Variants in CDS2 observed in about 807,000 individuals in gnomAD.
CDS2 encodes the protein phosphatidate cytidylyltransferase 2.
In CDS2, 47 loss-of-function variants were observed where a neutral mutation model predicts 59.0. The ratio of observed to expected loss-of-function variants is 0.80; its 90% CI spans 0.63 to 1.02. CDS2 has a LOEUF of 1.02. Ranked by LOEUF, CDS2 falls within the 50% of genes least tolerant of loss-of-function variation. The pLI, the probability that CDS2 is intolerant of heterozygous loss-of-function variation, is 0.00. For synonymous variants in CDS2, 207 were observed against 206.4 expected (o/e 1.00, Z -0.02); for missense variants, 356 against 558.9 (o/e 0.64, Z 3.66).
intron 1 of CDS2, among the ~76,000 whole-genome samples, chr20:5,144,004 A>ATTC (rs2090718850): frequency 6.6e-6 from 1 of 151,864 alleles, no homozygotes; most frequent in Non-Finnish European, 1.5e-5. Flanking sequence ...GCCTCAAGTG[A>ATTC]TCCGCCCACC....
At chr20:5,167,484 T>C (rs1286872114) in intron 1 of CDS2, among the ~76,000 whole-genome samples, 1 of 152,182 alleles carries the variant, frequency 6.6e-6, no homozygotes, top group East Asian at 1.9e-4. Context: ...ATTTCTTTGT[T>C]ATTCCCAACA....
intron 1 of CDS2, among the ~76,000 whole-genome samples, chr20:5,162,560 T>C (rs1226296855): frequency 6.6e-6 from 1 of 152,222 alleles, no homozygotes; most frequent in Non-Finnish European, 1.5e-5. Context: ...GTAAGAACTT[T>C]CTCGTGGAGA....
chr20:5,177,725 G>A (rs1466903731), intron 4 of CDS2, among the ~76,000 whole-genome samples: 8 of 152,202 alleles, frequency 5.3e-5, no homozygotes, highest in Admixed American at 2.0e-4. Flanking sequence ...GGAAGCCGAT[G>A]TGCTCAGATG....
At chr20:5,129,202 G>A (rs568248189) in intron 1 of CDS2, among the ~76,000 whole-genome samples, 7 of 152,208 alleles carry the variant, frequency 4.6e-5, no homozygotes, top group African/African-American at 7.2e-5. Context: ...GTTCATTACC[G>A]AGAACAAGAC....
chr20:5,155,348 C>T (rs181517229), intron 1 of CDS2, among the ~76,000 whole-genome samples: 16 of 152,336 alleles, frequency 1.1e-4, no homozygotes, highest in Admixed American at 7.8e-4. Context: ...TAAAAAATTA[C>T]TCCTTGAGCT....
intron 9 of CDS2, 33 bp downstream of exon 9, chr20:5,185,859 G>A: frequency 6.2e-7 from 1 of 1,602,654 alleles, no homozygotes; most frequent in Non-Finnish European, 8.6e-7. Context: ...GTAAGGGATT[G>A]GGTGGACAGA....
chr20:5,149,422 A>G (rs16990677), intron 1 of CDS2, among the ~76,000 whole-genome samples: 1,929 of 152,090 alleles, frequency 0.013, 49 homozygotes, highest in African/African-American at 0.042. Flanking sequence ...ATTTTTCTCA[A>G]TTTGTCATTT....
At chr20:5,182,356 A>G (rs775361091) in intron 5 of CDS2, 31 bp from the exon 6 acceptor site, 2 of 1,591,052 alleles carry the variant, frequency 1.3e-6, no homozygotes, top group Non-Finnish European at 1.7e-6. Context: ...AACATAATTC[A>G]TTTTTCTTTT....
chr20:5,170,425 C>T (rs938774099), intron 1 of CDS2, among the ~76,000 whole-genome samples: 3 of 151,934 alleles, frequency 2.0e-5, no homozygotes, highest in Non-Finnish European at 4.4e-5. Flanking sequence ...CCTTTGTCCA[C>T]GGGGTGGGGA....
At position 5,191,621 on chromosome 20, in the gene CDS2, T is replaced by G. The variant is rs1339950588; in HGVS notation, c.*1387T>G. Reference sequence around the variant, plus strand: ...TGGTCTAGTGCTGGTTTGTGGTGTTTTTGTTTGTAAATTAGCCTCACTGCC... The same window carrying G: ...TGGTCTAGTGCTGGTTTGTGGTGTTGTTGTTTGTAAATTAGCCTCACTGCC... On this transcript the variant is annotated 3_prime_UTR_variant, in exon 13 of 13. Coordinates refer to ENST00000460006, the MANE Select transcript of CDS2 (RefSeq NM_003818.4). The G allele has an allele frequency of 6.6e-6, 1 of 152,204 alleles. No individual in the cohort carries two copies. Among genetic ancestry groups the G allele is most frequent in the African/African-American group, 2.4e-5 (1 of 41,412 alleles). 9.4% of individuals were successfully genotyped at this position (152,204 alleles called of 1,614,324 possible).
At chr20:5,172,429 T>G (rs1301907350) in intron 1 of CDS2, among the ~76,000 whole-genome samples, 2 of 152,040 alleles carry the variant, frequency 1.3e-5, no homozygotes, top group African/African-American at 4.8e-5. Flanking sequence ...GGCAGAAAAC[T>G]CCGTAGAAAA....
At chr20:5,185,230 G>A (rs2091058933) in intron 8 of CDS2, among the ~76,000 whole-genome samples, 1 of 152,142 alleles carries the variant, frequency 6.6e-6, no homozygotes, top group African/African-American at 2.4e-5. Flanking sequence ...AAAGCAGCCT[G>A]GGGAACTTAG....
Position 5,194,832 on chromosome 20 carries a change from G to A in CDS2, c.*4598G>A, listed in dbSNP as rs913371701. On this transcript the variant is annotated 3_prime_UTR_variant, in exon 13 of 13. Transcript: ENST00000460006. Reference sequence around the variant, plus strand: ...TCTCTTTTTATTCTTGAGCCAATGAGATATCAGTGTGTTTATTAATAAGGA... The same window carrying A: ...TCTCTTTTTATTCTTGAGCCAATGAAATATCAGTGTGTTTATTAATAAGGA... 6.6e-6 allele frequency: 1 copy of A among 151,880 alleles called. No homozygotes were observed. Among genetic ancestry groups the A allele is most frequent in the Admixed American group, 6.6e-5 (1 of 15,254 alleles). 9.4% of individuals were successfully genotyped at this position (151,880 alleles called of 1,614,324 possible).
intron 1 of CDS2, among the ~76,000 whole-genome samples, chr20:5,144,595 A>G (rs911416030): frequency 5.3e-5 from 8 of 152,222 alleles, no homozygotes; most frequent in Admixed American, 1.3e-4. Context: ...TACCAAAATG[A>G]GTAATGATTC....
In CDS2 at chr20:5,131,898, CATA is replaced by C. The variant is rs574108909; in HGVS notation, c.57+4753_57+4755del. On this transcript the variant is annotated intron_variant, in intron 1 of 12. Transcript: ENST00000460006. ...TATGGGCTGACAGCAGAGCTTGTCA[CATA>C]ATATGTTAGCTATGTTGCTACTGAT... Among the ~76,000 whole-genome samples, 337 of 152,286 alleles carry C rather than the reference CATA, an allele frequency of 2.2e-3. 1 individual carries two copies. The highest frequency in any genetic ancestry group is 5.8e-3 in the Admixed American group (88 of 15,294).
In CDS2 at chr20:5,176,644, G is replaced by A. The variant is rs748768063; in HGVS notation, c.292-4G>A. The A allele has an allele frequency of 1.6e-5, 25 of 1,609,846 alleles. No individual in the cohort carries two copies. The East Asian group carries it at 2.0e-4, about 13-fold the overall frequency. On this transcript the variant is annotated splice_region_variant and splice_polypyrimidine_tract_variant and intron_variant, in intron 3 of 12. Transcript: ENST00000460006. Reference sequence around the variant, plus strand: ...GGTGTCAGTGAATGTTTTGTGTCCCGCAGGTGATGTGCGTTCAGATTAAGT... The same window carrying A: ...GGTGTCAGTGAATGTTTTGTGTCCCACAGGTGATGTGCGTTCAGATTAAGT...
chr20:5,159,894 A>C (rs1290303392), intron 1 of CDS2, among the ~76,000 whole-genome samples: 2 of 152,344 alleles, frequency 1.3e-5, no homozygotes, highest in African/African-American at 4.8e-5. Context: ...ACATCTTAGC[A>C]GTATAAATTA....
At chr20:5,153,373 AG>A (rs778988753) in intron 1 of CDS2, among the ~76,000 whole-genome samples, 5 of 152,236 alleles carry the variant, frequency 3.3e-5, no homozygotes, top group Non-Finnish European at 7.3e-5. Context: ...AAATGGCACC[AG>A]TCCCAGGGAA....
At chr20:5,178,670 G>C (rs915308770) in intron 4 of CDS2, 147 bp from the exon 5 acceptor site, 11 of 680,066 alleles carry the variant, frequency 1.6e-5, no homozygotes, top group Non-Finnish European at 2.5e-5. Context: ...AGGAAACCAT[G>C]GTCTGCCTGT....
Sources: allele counts gnomAD v4.1 joint callset (sites outside exome capture counted in the v4.1 genomes callset), GRCh38; gene constraint gnomAD v4.1.1; transcripts MANE v1.5; gene names NCBI Gene and HGNC (gene_info 2026-07-23, HGNC 2026-07-21).